RB1CC1: variants seen among roughly 807,000 people sequenced by gnomAD.
The protein encoded by RB1CC1 is RB1 inducible coiled-coil 1.
A neutral mutation model predicts 177.5 loss-of-function variants in RB1CC1; 46 were observed. That is an observed-to-expected ratio of 0.26 (90% CI 0.20 to 0.33). The LOEUF (loss-of-function observed/expected upper bound fraction) is 0.33. Ranked by LOEUF, RB1CC1 falls within the 10% of genes least tolerant of loss-of-function variation. The pLI is 1.00. For synonymous variants in RB1CC1, 666 were observed against 613.6 expected (o/e 1.09, Z -1.26); for missense variants, 1,703 against 1,816.3 (o/e 0.94, Z 1.13).
At position 52,656,182 on chromosome 8, in the gene RB1CC1, C is replaced by T. The variant is rs35534432; in HGVS notation, c.3647G>A (p.Arg1216Lys). 97 of 1,613,712 alleles carry T rather than the reference C, an allele frequency of 6.0e-5. 1 individual carries two copies. The highest frequency in any genetic ancestry group is 4.2e-4 in the East Asian group (19 of 44,822). The change falls in exon 15 of 24, where the codon AGA (arginine) becomes AAA (lysine). Residue 1216 changes from arginine to lysine, a missense_variant. Arg to Lys is a conservative substitution (Grantham distance 26). Around this residue, in one of 6 missense-constraint regions of RB1CC1, gnomAD observed 1,169 missense variants for 1,184.7 expected, o/e 0.99. Coordinates refer to ENST00000025008, the MANE Select transcript of RB1CC1 (RefSeq NM_014781.5). ...CTCCTGGCTGCTGACCAATTTTTGT[C>T]TGTCTTTCTCAAGGTTCTGGATAAT... ...EAIIQNLEKD[R>K]QKLVSSQEQD...
intron 9 of RB1CC1, 25 bp downstream of exon 9, chr8:52,661,510 A>G (rs1490643534): frequency 1.2e-5 from 19 of 1,555,110 alleles, no homozygotes; most frequent in Non-Finnish European, 1.6e-5. Flanking sequence ...AAACATCTTA[A>G]AACAGATATA....
At position 52,681,242 on chromosome 8, in the gene RB1CC1, T is replaced by C. The variant is rs149879018; in HGVS notation, c.369+2307A>G. 2.4e-3 allele frequency among the ~76,000 whole-genome samples: 371 copies of C among 152,194 alleles called. 2 individuals are homozygous for C. The highest frequency in any genetic ancestry group is 7.7e-3 in the African/African-American group (321 of 41,534). The stretch of plus-strand genomic sequence containing the variant: ...CAAACTCCTGACCTCATGATCCGCC[T>C]GCCTTGGCCTCCCAAAGTGCTGGGA... On this transcript the variant is annotated intron_variant, in intron 5 of 23. Transcript: ENST00000025008.
At chr8:52,654,853 TTA>T (rs1453521993) in intron 15 of RB1CC1, among the ~76,000 whole-genome samples, 1 of 152,136 alleles carries the variant, frequency 6.6e-6, no homozygotes, top group African/African-American at 2.4e-5. Flanking sequence ...CCCTTATTCC[TTA>T]TGTTTCCTCT....
At chr8:52,634,507 C>A (rs1380538840) in intron 20 of RB1CC1, among the ~76,000 whole-genome samples, 1 of 151,026 alleles carries the variant, frequency 6.6e-6, no homozygotes. Flanking sequence ...AGCTACAGAG[C>A]AAGACTGTCT....
At chr8:52,693,642 A>G (rs542491820) in intron 1 of RB1CC1, among the ~76,000 whole-genome samples, 26 of 152,326 alleles carry the variant, frequency 1.7e-4, no homozygotes, top group East Asian at 7.7e-4. Context: ...TAGTTCAACC[A>G]TTGTGGAAGA....
At chr8:52,690,073 G>A (rs1854683729) in intron 1 of RB1CC1, among the ~76,000 whole-genome samples, 3 of 152,194 alleles carry the variant, frequency 2.0e-5, no homozygotes. Flanking sequence ...TGGCCAGAAG[G>A]TGCAGACCTA....
chr8:52,681,055 G>T (rs1839999), intron 5 of RB1CC1, among the ~76,000 whole-genome samples: 14 of 149,386 alleles, frequency 9.4e-5, no homozygotes, highest in African/African-American at 3.5e-4. Context: ...GCAGTGGTGC[G>T]ATCTTGGCTC....
intron 18 of RB1CC1, 52 bp downstream of exon 18, chr8:52,642,299 A>T: frequency 6.4e-7 from 1 of 1,573,376 alleles, no homozygotes; most frequent in Non-Finnish European, 8.6e-7. Flanking sequence ...AGAGCTTTAT[A>T]ACTCATGGAA....
At chr8:52,670,955 C>CAAA (rs11444516) in intron 7 of RB1CC1, among the ~76,000 whole-genome samples, 1 of 128,078 alleles carries the variant, frequency 7.8e-6, no homozygotes, top group Admixed American at 8.2e-5. Flanking sequence ...GACTCCAACT[C>CAAA]AAAAAAAAAA....
chr8:52,661,872 T>A (rs571466286), intron 8 of RB1CC1, among the ~76,000 whole-genome samples, 153 bp from the exon 9 acceptor site: 1 of 152,218 alleles, frequency 6.6e-6, no homozygotes, highest in Admixed American at 6.5e-5. Flanking sequence ...ATGTAGTAGA[T>A]GCATAAATGG....
At chr8:52,659,485 T>C (rs1006395017) in intron 12 of RB1CC1, among the ~76,000 whole-genome samples, 6 of 152,046 alleles carry the variant, frequency 3.9e-5, no homozygotes, top group Admixed American at 6.6e-5. Context: ...AACCGGTAAA[T>C]CCTACCAATT....
At chr8:52,710,099 TCCA>T (rs1337367400) in intron 1 of RB1CC1, among the ~76,000 whole-genome samples, 1 of 152,204 alleles carries the variant, frequency 6.6e-6, no homozygotes, top group Non-Finnish European at 1.5e-5. Context: ...GGAGATAATG[TCCA>T]CCACAAACGG....
intron 1 of RB1CC1, among the ~76,000 whole-genome samples, chr8:52,688,500 C>T (rs1201673531): frequency 6.6e-6 from 1 of 152,064 alleles, no homozygotes. Flanking sequence ...AAAACTCCGC[C>T]CTAGTAAATC....
chr8:52,667,282 T>C (rs552975530), intron 8 of RB1CC1, among the ~76,000 whole-genome samples: 8 of 152,312 alleles, frequency 5.3e-5, no homozygotes, highest in South Asian at 2.1e-4. Flanking sequence ...CAACGAAGTA[T>C]GTTTTGCCTT....
chr8:52,624,315 A>G (rs1404740303), intron 23 of RB1CC1, among the ~76,000 whole-genome samples: 1 of 151,922 alleles, frequency 6.6e-6, no homozygotes, highest in Non-Finnish European at 1.5e-5. Context: ...TCCATTTGTT[A>G]AGCCACCAAA....
At chr8:52,648,747 TCA>T (rs1411108873) in intron 15 of RB1CC1, among the ~76,000 whole-genome samples, 1 of 152,218 alleles carries the variant, frequency 6.6e-6, no homozygotes, top group Non-Finnish European at 1.5e-5. Context: ...CTGCACAGTT[TCA>T]CAGATAGGTT....
chr8:52,664,929 T>A (rs1040525376), intron 8 of RB1CC1, among the ~76,000 whole-genome samples: 2 of 152,134 alleles, frequency 1.3e-5, no homozygotes, highest in African/African-American at 2.4e-5. Flanking sequence ...GTTCAAGTGA[T>A]ATAAAGCAGG....
At chr8:52,712,953 G>C (rs538816890) in intron 1 of RB1CC1, among the ~76,000 whole-genome samples, 8 of 152,200 alleles carry the variant, frequency 5.3e-5, no homozygotes, top group Non-Finnish European at 8.8e-5. Flanking sequence ...AGTTTTATCT[G>C]ATCAGAAGTG....
chr8:52,708,264 C>T (rs929824983), intron 1 of RB1CC1, among the ~76,000 whole-genome samples: 2 of 152,216 alleles, frequency 1.3e-5, no homozygotes, highest in African/African-American at 2.4e-5. Context: ...CGCCTGTAAT[C>T]CCAGCACTTT....
Sources: gnomAD v4.1 joint callset for allele counts (sites outside exome capture counted in the v4.1 genomes callset) on GRCh38, gnomAD v4.1.1 for gene constraint, gnomAD v4.1.1 regional missense constraint, MANE v1.5 for transcripts, NCBI Gene and HGNC (gene_info 2026-07-23, HGNC 2026-07-21) for gene names.